Variants in ADAMTS19 observed in about 807,000 individuals in gnomAD.
The protein encoded by ADAMTS19 is ADAM metallopeptidase with thrombospondin type 1 motif 19.
Under a neutral mutation model 153.3 loss-of-function variants are expected in ADAMTS19, and 93 were observed. The observed-to-expected ratio is 0.61, with a 90% CI of 0.51 to 0.72. The LOEUF (loss-of-function observed/expected upper bound fraction) is 0.72, where lower values mean the gene tolerates loss of function less well. ADAMTS19 is among the 30% of genes least tolerant of loss of function. The pLI, the probability that ADAMTS19 is intolerant of heterozygous loss-of-function variation, is 0.00. For missense variants in ADAMTS19, 1,482 were observed against 1,552.1 expected, an observed-to-expected ratio of 0.95 and a Z score of 0.76; for synonymous variants, 600 against 556.6, an observed-to-expected ratio of 1.08 and a Z score of -1.10.
At chr5:129,698,901 T>TG in intron 19 of ADAMTS19, among the ~76,000 whole-genome samples, 1 of 152,330 alleles carries the variant, frequency 6.6e-6, no homozygotes, top group East Asian at 1.9e-4. Context: ...TGCAACATGC[T>TG]GGATAGATGA....
At chr5:129,534,671 T>G (rs1752347794) in intron 6 of ADAMTS19, among the ~76,000 whole-genome samples, 1 of 152,184 alleles carries the variant, frequency 6.6e-6, no homozygotes, top group Non-Finnish European at 1.5e-5. Flanking sequence ...GCAGAAATCC[T>G]CAATAAAATA....
chr5:129,647,415 T>G (rs1753114333), intron 11 of ADAMTS19, among the ~76,000 whole-genome samples: 1 of 152,128 alleles, frequency 6.6e-6, no homozygotes, highest in Admixed American at 6.5e-5. Flanking sequence ...TTGTCCCTTT[T>G]AAATTATTAT....
chr5:129,697,314 T>G (rs80325379), intron 19 of ADAMTS19, among the ~76,000 whole-genome samples: 6,807 of 152,152 alleles, frequency 0.045, 468 homozygotes, highest in African/African-American at 0.15. Context: ...AAGTTTAGTT[T>G]TGTCCCCTTA....
chr5:129,469,391 T>C (rs1014185256), intron 2 of ADAMTS19, among the ~76,000 whole-genome samples: 2 of 152,294 alleles, frequency 1.3e-5, no homozygotes, highest in Non-Finnish European at 2.9e-5. Context: ...ATTATGCAGA[T>C]TGAGACTATC....
intron 2 of ADAMTS19, among the ~76,000 whole-genome samples, chr5:129,487,539 A>G (rs367784743): frequency 3.2e-4 from 49 of 152,226 alleles, no homozygotes; most frequent in East Asian, 3.1e-3. Flanking sequence ...ACCACTTTGT[A>G]TAATATATAA....
chr5:129,565,553 G>C (rs1263346622), intron 7 of ADAMTS19, among the ~76,000 whole-genome samples: 3 of 152,100 alleles, frequency 2.0e-5, no homozygotes, highest in African/African-American at 7.2e-5. Flanking sequence ...CTGTGCCCAA[G>C]TTTGTGTTAG....
chr5:129,557,682 A>G, intron 7 of ADAMTS19, among the ~76,000 whole-genome samples: 1 of 152,190 alleles, frequency 6.6e-6, no homozygotes, highest in Non-Finnish European at 1.5e-5. Flanking sequence ...GTTGATTTCT[A>G]TGTTCCAAAG....
At chr5:129,538,761 A>G (rs1443222636) in intron 6 of ADAMTS19, among the ~76,000 whole-genome samples, 1 of 152,126 alleles carries the variant, frequency 6.6e-6, no homozygotes, top group Non-Finnish European at 1.5e-5. Flanking sequence ...GTTTCAAACA[A>G]TTGCTTATTT....
intron 3 of ADAMTS19, among the ~76,000 whole-genome samples, chr5:129,523,333 G>A (rs572197927): frequency 1.9e-4 from 29 of 152,208 alleles, no homozygotes; most frequent in African/African-American, 7.0e-4. Context: ...GAATATACAT[G>A]TTTCACTCCA....
intron 6 of ADAMTS19, among the ~76,000 whole-genome samples, chr5:129,536,501 T>C (rs1299889786): frequency 4.6e-5 from 7 of 152,220 alleles, no homozygotes; most frequent in African/African-American, 1.7e-4. Context: ...GAAGTCAGTG[T>C]GGCGATTCCT....
At chr5:129,601,964 C>G (rs1211434920) in intron 8 of ADAMTS19, among the ~76,000 whole-genome samples, 1 of 152,184 alleles carries the variant, frequency 6.6e-6, no homozygotes, top group Non-Finnish European at 1.5e-5. Flanking sequence ...GTCAAAGATA[C>G]TTTGGAGGGA....
At chr5:129,571,144 T>C (rs76159836) in intron 7 of ADAMTS19, among the ~76,000 whole-genome samples, 1,946 of 151,966 alleles carry the variant, frequency 0.013, 42 homozygotes, top group African/African-American at 0.044. Flanking sequence ...GAAAACATTA[T>C]TGTTTACATA....
intron 2 of ADAMTS19, among the ~76,000 whole-genome samples, chr5:129,469,482 G>A (rs1369895879): frequency 6.6e-6 from 1 of 152,046 alleles, no homozygotes; most frequent in Non-Finnish European, 1.5e-5. Flanking sequence ...CTTTTGTGTA[G>A]TATCTATTAG....
At chr5:129,629,366 A>G (rs1438812861) in intron 10 of ADAMTS19, among the ~76,000 whole-genome samples, 1 of 152,032 alleles carries the variant, frequency 6.6e-6, no homozygotes, top group African/African-American at 2.4e-5. Flanking sequence ...TTTCTAATCA[A>G]TTACAAATAA....
chr5:129,520,643 T>C (rs528834341), intron 3 of ADAMTS19, among the ~76,000 whole-genome samples: 1 of 152,280 alleles, frequency 6.6e-6, no homozygotes, highest in African/African-American at 2.4e-5. Flanking sequence ...GATAAATACA[T>C]TTTTTCCACC....
intron 10 of ADAMTS19, among the ~76,000 whole-genome samples, chr5:129,633,109 TTAAAC>T (rs1752376299): frequency 6.6e-6 from 1 of 152,140 alleles, no homozygotes; most frequent in African/African-American, 2.4e-5. Flanking sequence ...GTAATTCCCT[TTAAAC>T]TATTTTCAAG....
chr5:129,540,203 G>A (rs1170173202), intron 6 of ADAMTS19, among the ~76,000 whole-genome samples: 1 of 152,044 alleles, frequency 6.6e-6, no homozygotes, highest in Non-Finnish European at 1.5e-5. Flanking sequence ...TGGGGGTTAT[G>A]TGCATACATT....
intron 21 of ADAMTS19, among the ~76,000 whole-genome samples, chr5:129,706,229 C>T (rs567514619): frequency 2.6e-5 from 4 of 152,202 alleles, no homozygotes; most frequent in South Asian, 2.1e-4. Context: ...TTACAAACCA[C>T]GTAAAAAACT....
At chr5:129,604,826 T>A (rs564393076) in intron 8 of ADAMTS19, among the ~76,000 whole-genome samples, 2 of 152,156 alleles carry the variant, frequency 1.3e-5, no homozygotes, top group African/African-American at 4.8e-5. Flanking sequence ...CAAGACCACA[T>A]AAATGAGACT....
Sources: gnomAD v4.1 joint callset for allele counts (sites outside exome capture counted in the v4.1 genomes callset) on GRCh38, gnomAD v4.1.1 for gene constraint, MANE v1.5 for transcripts, NCBI Gene and HGNC (gene_info 2026-07-23, HGNC 2026-07-21) for gene names.